Variants in WDR59 observed in about 807,000 individuals in gnomAD.
WDR59 encodes the protein WD repeat domain 59, also known as GATOR2 complex protein WDR59.
A neutral mutation model predicts 131.2 loss-of-function variants in WDR59; 100 were observed. The observed-to-expected ratio is 0.76, with a 90% CI of 0.65 to 0.90. The LOEUF (loss-of-function observed/expected upper bound fraction) is 0.90, where lower values mean the gene tolerates loss of function less well. WDR59 is among the 40% of genes least tolerant of loss of function. The pLI is 0.00. For missense variants in WDR59, 1,203 were observed against 1,262.2 expected, an observed-to-expected ratio of 0.95 and a Z score of 0.71; for synonymous variants, 601 against 466.2, an observed-to-expected ratio of 1.29 and a Z score of -3.72.
Position 74,956,517 on chromosome 16 carries a change from C to T in WDR59, c.198G>A (p.Gln66=). 1 of 1,614,172 alleles carries T rather than the reference C, an allele frequency of 6.2e-7. No individual in the cohort carries two copies. The highest frequency in any genetic ancestry group is 1.1e-5 in the South Asian group (1 of 91,082). The change falls in exon 3 of 26, where the codon CAG becomes CAA. Residue 66 remains glutamine, a synonymous_variant. Coordinates refer to ENST00000262144, the MANE Select transcript of WDR59 (RefSeq NM_030581.4). ...RQSKWDIGAV[Q]WNPHDSFAHY... ...GTGCAAAGCTGTCATGAGGATTCCA[C>T]TGCACAGCTCCAATGTCCCATTTGC...
At chr16:74,959,415 A>G (rs2033457639) in intron 2 of WDR59, 1 of 370,492 alleles carries the variant, frequency 2.7e-6, no homozygotes, top group Admixed American at 3.5e-5. Flanking sequence ...TTAGCAGCCA[A>G]CGATCTCAGT....
At chr16:74,953,297 G>C (rs1251584071) in intron 3 of WDR59, among the ~76,000 whole-genome samples, 29 of 151,808 alleles carry the variant, frequency 1.9e-4, no homozygotes, top group African/African-American at 5.8e-4. Flanking sequence ...CATGGTGAAA[G>C]CCCATCTCTA....
At chr16:74,930,047 T>C (rs1567731407) in intron 8 of WDR59, among the ~76,000 whole-genome samples, 1 of 151,840 alleles carries the variant, frequency 6.6e-6, no homozygotes, top group Non-Finnish European at 1.5e-5. Flanking sequence ...CGTAGTGGGG[T>C]AGAGCGGGGG....
At chr16:74,879,461 G>C (rs1964378428) in intron 25 of WDR59, among the ~76,000 whole-genome samples, 1 of 152,212 alleles carries the variant, frequency 6.6e-6, no homozygotes. Context: ...TTTTGGTTCA[G>C]AAGCAGATGA....
chr16:74,928,517 C>CT (rs1465678605), intron 8 of WDR59, among the ~76,000 whole-genome samples: 1 of 151,996 alleles, frequency 6.6e-6, no homozygotes, highest in Non-Finnish European at 1.5e-5. Flanking sequence ...CTGCGCCCAG[C>CT]TTTTTTCCCT....
intron 10 of WDR59, among the ~76,000 whole-genome samples, chr16:74,918,929 G>C (rs531175620): frequency 2.0e-5 from 3 of 152,266 alleles, no homozygotes; most frequent in African/African-American, 7.2e-5. Context: ...ACTAGGCACA[G>C]CCAGCCAGAC....
intron 23 of WDR59, among the ~76,000 whole-genome samples, chr16:74,887,019 T>G (rs1179074361): frequency 6.6e-6 from 1 of 152,154 alleles, no homozygotes; most frequent in African/African-American, 2.4e-5. Flanking sequence ...TTGAACAATA[T>G]TTGCTCATGA....
chr16:74,948,332 G>T (rs74026629), intron 6 of WDR59, among the ~76,000 whole-genome samples, 187 bp downstream of exon 6: 1 of 152,142 alleles, frequency 6.6e-6, no homozygotes, highest in Non-Finnish European at 1.5e-5. Flanking sequence ...TGGCTTCTGG[G>T]AGCAGCCTAA....
intron 6 of WDR59, among the ~76,000 whole-genome samples, chr16:74,944,808 A>C: frequency 6.6e-6 from 1 of 152,156 alleles, no homozygotes; most frequent in Non-Finnish European, 1.5e-5. Context: ...TATAACAGAA[A>C]AAAAAGCAAT....
chr16:74,969,872 A>AC lies in WDR59; in HGVS notation c.55-4051_55-4050insG, dbSNP rs773163503. On this transcript the variant is annotated intron_variant, in intron 1 of 25. Transcript: ENST00000262144. The stretch of plus-strand genomic sequence containing the variant: ...CATGATCTCAGCTCACTGCAGCCTC[A>AC]AACTCCTAGATTCAAATGATCCTCC... Among the ~76,000 whole-genome samples the AC allele has an allele frequency of 1.6e-4, 24 of 151,368 alleles. 1 individual carries two copies. Among genetic ancestry groups the AC allele is most frequent in the Non-Finnish European group, 1.5e-5 (1 of 67,866 alleles).
chr16:74,956,720 A>T, intron 2 of WDR59, 110 bp from the exon 3 acceptor site: 1 of 1,327,038 alleles, frequency 7.5e-7, no homozygotes, highest in Non-Finnish European at 1.0e-6. Flanking sequence ...GCTCCAAAAA[A>T]CCCAAACACA....
intron 1 of WDR59, among the ~76,000 whole-genome samples, chr16:74,983,957 G>A (rs978649359): frequency 1.1e-4 from 17 of 152,136 alleles, no homozygotes; most frequent in African/African-American, 3.9e-4. Context: ...TCAAGCCTGG[G>A]TGACAGAGCC....
intron 1 of WDR59, among the ~76,000 whole-genome samples, chr16:74,976,154 C>T (rs1181141593): frequency 6.6e-6 from 1 of 152,126 alleles, no homozygotes; most frequent in Non-Finnish European, 1.5e-5. Context: ...AGCTGGATTG[C>T]TCCAGAAAAA....
At chr16:74,942,052 A>G (rs1016748718) in intron 7 of WDR59, among the ~76,000 whole-genome samples, 33 of 152,120 alleles carry the variant, frequency 2.2e-4, no homozygotes, top group African/African-American at 8.0e-4. Context: ...CTGGCAGTCA[A>G]TGCAGGGGAG....
chr16:74,961,374 T>C (rs1431663506), intron 2 of WDR59, among the ~76,000 whole-genome samples: 2 of 152,198 alleles, frequency 1.3e-5, no homozygotes, highest in Non-Finnish European at 2.9e-5. Context: ...ATTACCACAC[T>C]GTTTTCCACA....
At position 74,965,796 on chromosome 16, in the gene WDR59, A is replaced by C; in HGVS notation, c.81T>G (p.Leu27=). ...ACCCAGAAAGCACTGCATGCTGCCC[A>C]AGACAGTCCACAGACATCGCAGTTG... ...SQATAMSVDC[L]GQHAVLSGRR... The change falls in exon 2 of 26, where the codon CTT becomes CTG. Residue 27 remains leucine, a synonymous_variant. Coordinates refer to ENST00000262144, the MANE Select transcript of WDR59 (RefSeq NM_030581.4). 1 of 1,614,174 alleles carries C rather than the reference A, an allele frequency of 6.2e-7. No individual in the cohort carries two copies. Among genetic ancestry groups the C allele is most frequent in the South Asian group, 1.1e-5 (1 of 91,086 alleles).
Position 74,923,932 on chromosome 16 carries a change from T to C in WDR59, c.723A>G (p.Arg241=), listed in dbSNP as rs768136870. 6.2e-7 allele frequency: 1 copy of C among 1,613,480 alleles called. No individual in the cohort carries two copies. The highest frequency in any genetic ancestry group is 8.5e-7 in the Non-Finnish European group (1 of 1,179,938). Residue 241 remains arginine (R), a synonymous_variant, in exon 9 of 26, where the codon AGA becomes AGG. Coordinates refer to ENST00000262144, the MANE Select transcript of WDR59 (RefSeq NM_030581.4). ...LPCQVPVWKA[R]YTPFSNGLVT... is the part of the protein sequence containing the mutation. The stretch of plus-strand genomic sequence containing the variant: ...GGCAGGGTGGCTCACTCACTGTGTA[T>C]CTGGCCTTCCAGACAGGCACCTGGC...
chr16:74,909,895 T>C lies in WDR59; in HGVS notation c.1412A>G (p.Gln471Arg). The change falls in exon 15 of 26, where the codon CAG becomes CGG. Residue 471 changes from glutamine (Q) to arginine (R), a missense_variant. Transcript: ENST00000262144. ...LLKILKDTAL[Q>R]KVKRGQSCLE... The stretch of plus-strand genomic sequence containing the variant: ...GCAGCTCTGGCCACGCTTCACTTTC[T>C]GCAGGGCTGTGTCCTTCAGGATCTA... 1 of 1,612,628 alleles carries C rather than the reference T, an allele frequency of 6.2e-7. No individual in the cohort carries two copies. Among genetic ancestry groups the C allele is most frequent in the Non-Finnish European group, 8.5e-7 (1 of 1,179,916 alleles).
At chr16:74,967,951 G>A (rs1190196544) in intron 1 of WDR59, among the ~76,000 whole-genome samples, 2 of 151,848 alleles carry the variant, frequency 1.3e-5, no homozygotes, top group African/African-American at 2.4e-5. Context: ...GACATATAAT[G>A]GAATATTATT....
Sources: allele counts gnomAD v4.1 joint callset (sites outside exome capture counted in the v4.1 genomes callset), GRCh38; gene constraint gnomAD v4.1.1; transcripts MANE v1.5; gene names NCBI Gene and HGNC (gene_info 2026-07-23, HGNC 2026-07-21).